XRCC3: variants seen among roughly 807,000 people sequenced by gnomAD.
The protein encoded by XRCC3 is DNA repair protein XRCC3.
XRCC3 carries 34 observed loss-of-function variants against 29.2 expected under a neutral mutation model. That is an observed-to-expected ratio of 1.16 (90% CI 0.88 to 1.55). The LOEUF (loss-of-function observed/expected upper bound fraction) is 1.55, where lower values mean the gene tolerates loss of function less well. Among genes scored for constraint, XRCC3 ranks in the 40% most tolerant of loss-of-function variants. The pLI, the probability that XRCC3 is intolerant of heterozygous loss-of-function variation, is 0.00. For synonymous variants in XRCC3, 223 were observed against 211.3 expected (o/e 1.06, Z -0.48); for missense variants, 463 against 467.6 (o/e 0.99, Z 0.09).
intron 7 of XRCC3, chr14:103,700,827 G>A: frequency 2.0e-6 from 2 of 995,736 alleles, no homozygotes; most frequent in South Asian, 3.3e-5. Context: ...GGCAAGTGGT[G>A]ACTGCTGCTA....
chr14:103,709,047 C>G lies in XRCC3; in HGVS notation c.56-388G>C, dbSNP rs928597887. On this transcript the variant is annotated intron_variant, in intron 4 of 9. Transcript: ENST00000555055. ...GCTCCAGAAGGGGGCAGGAAAAAAC[C>G]AGCACCGAGCTTTCCACCACCCGCC... 8.5e-5 allele frequency: 30 copies of G among 351,338 alleles called. 1 individual carries two copies. In the East Asian group the frequency reaches 9.7e-4, roughly 11 times the overall value. 21.8% of individuals were successfully genotyped at this position (351,338 alleles called of 1,614,324 possible).
At chr14:103,711,916 A>T (rs1413156647) in intron 2 of XRCC3, 2 of 352,954 alleles carry the variant, frequency 5.7e-6, no homozygotes, top group Non-Finnish European at 1.1e-5. Context: ...GGAAGGCAGC[A>T]GCCTCGAGGG....
intron 5 of XRCC3, 174 bp downstream of exon 5, chr14:103,708,348 C>T (rs1021845539): frequency 2.1e-6 from 2 of 970,066 alleles, no homozygotes; most frequent in African/African-American, 1.6e-5. Flanking sequence ...GATGCTGTGA[C>T]CACAGCCCCA....
At chr14:103,700,041 G>A in intron 7 of XRCC3, 1 of 265,240 alleles carries the variant, frequency 3.8e-6, no homozygotes. Flanking sequence ...GCCCGTGGTG[G>A]CCATGACCTC....
chr14:103,699,069 A>G (rs757817573), intron 9 of XRCC3, 52 bp from the exon 10 acceptor site: 23 of 1,562,958 alleles, frequency 1.5e-5, no homozygotes, highest in Non-Finnish European at 2.0e-5. Flanking sequence ...GGCCCCGCCC[A>G]CTTCGGCCCA....
chr14:103,698,667 C>A lies in XRCC3; in HGVS notation c.*131G>T. On this transcript the variant is annotated 3_prime_UTR_variant, in exon 10 of 10. Transcript: ENST00000555055. ...ACCATCTTCGGATGAGAAAGTGGAG[C>A]CGCTGCCCTGGAAGAGCTGTGTCTG... 1.2e-6 allele frequency: 1 copy of A among 814,612 alleles called. No individual in the cohort carries two copies. The highest frequency in any genetic ancestry group is 2.0e-6 in the Non-Finnish European group (1 of 495,650). The allele number at this position is 814,612 out of a possible 1,614,324, so 50.5% of individuals were successfully genotyped here.
At chr14:103,714,561 T>C (rs1242280165) in intron 1 of XRCC3, among the ~76,000 whole-genome samples, 1 of 151,960 alleles carries the variant, frequency 6.6e-6, no homozygotes, top group Admixed American at 6.6e-5. Flanking sequence ...TGTGCCTAGC[T>C]GTGAAGACGC....
intron 6 of XRCC3, chr14:103,704,443 G>C (rs1056237235): frequency 6.6e-6 from 1 of 152,272 alleles, no homozygotes; most frequent in Non-Finnish European, 1.5e-5. Flanking sequence ...GACTCACTCT[G>C]TCGCCCAGGC....
At chr14:103,699,298 C>G (rs1038174944) in intron 8 of XRCC3, 66 bp downstream of exon 8, 2 of 1,546,420 alleles carry the variant, frequency 1.3e-6, no homozygotes, top group Non-Finnish European at 8.7e-7. Context: ...ACCTCCAGAC[C>G]GGCTCTGCTT....
chr14:103,699,235 G>C, intron 8 of XRCC3, 56 bp from the exon 9 acceptor site: 1 of 1,541,910 alleles, frequency 6.5e-7, no homozygotes, highest in Non-Finnish European at 8.7e-7. Context: ...TCGATGGTTA[G>C]GCACAGGCTG....
intron 7 of XRCC3, chr14:103,700,058 C>T (rs1351277454): frequency 4.1e-5 from 10 of 241,880 alleles, no homozygotes; most frequent in East Asian, 1.0e-4. Flanking sequence ...CCTCTTCAGA[C>T]GCTCAGCAAG....
At chr14:103,711,717 G>T (rs1212500864) in intron 2 of XRCC3, 150 bp from the exon 3 acceptor site, 1 of 456,198 alleles carries the variant, frequency 2.2e-6, no homozygotes, top group East Asian at 7.0e-5. Flanking sequence ...CAGGAAGGGA[G>T]CTGGCAGCCA....
chr14:103,711,755 G>C, intron 2 of XRCC3, 188 bp from the exon 3 acceptor site: 1 of 455,284 alleles, frequency 2.2e-6, no homozygotes, highest in South Asian at 1.6e-5. Context: ...GGCCCAGCAA[G>C]GGAGAAGCTC....
intron 4 of XRCC3, 102 bp downstream of exon 4, chr14:103,710,931 G>T: frequency 8.5e-7 from 1 of 1,175,184 alleles, no homozygotes; most frequent in South Asian, 1.3e-5. Context: ...AATCAGGGTA[G>T]GCAAAGGAAG....
In XRCC3 at chr14:103,711,136, G is replaced by A; in HGVS notation, c.-49C>T. On this transcript the variant is annotated 5_prime_UTR_variant, in exon 4 of 10. Transcript: ENST00000555055. ...GATGAATAACTTCCCAGGAAAGACA[G>A]AACAATGGATGCAAATTCTGAGGCA... 6.2e-7 allele frequency: 1 copy of A among 1,603,670 alleles called. No individual in the cohort carries two copies. The highest frequency in any genetic ancestry group is 1.3e-5 in the African/African-American group (1 of 74,802).
chr14:103,711,435 C>T (rs1351125582), intron 3 of XRCC3, 31 bp downstream of exon 3: 3 of 521,592 alleles, frequency 5.8e-6, no homozygotes, highest in African/African-American at 3.8e-5. Context: ...GACCATCCTC[C>T]TGCAGCAGTT....
chr14:103,708,485 C>G (rs2083518222), intron 5 of XRCC3, 37 bp downstream of exon 5: 2 of 1,612,502 alleles, frequency 1.2e-6, no homozygotes, highest in Non-Finnish European at 1.7e-6. Flanking sequence ...GCTGGAGCCA[C>G]ATGTCACCCC....
chr14:103,701,724 A>C (rs2083206290), intron 7 of XRCC3: 1 of 152,306 alleles, frequency 6.6e-6, no homozygotes, highest in African/African-American at 2.4e-5. Context: ...GATACAAAGA[A>C]TTAGCTGGGC....
chr14:103,703,667 C>G (rs892889791), intron 6 of XRCC3: 28 of 382,920 alleles, frequency 7.3e-5, no homozygotes, highest in African/African-American at 5.6e-4. Flanking sequence ...AACCTCCGTT[C>G]CCCACTGCAG....
Sources: allele counts gnomAD v4.1 joint callset (sites outside exome capture counted in the v4.1 genomes callset), GRCh38; gene constraint gnomAD v4.1.1; transcripts MANE v1.5; gene names NCBI Gene and HGNC (gene_info 2026-07-23, HGNC 2026-07-21).